NRXN3: variants seen among roughly 807,000 people sequenced by gnomAD.
NRXN3 encodes neurexin III.
NRXN3 carries 32 observed loss-of-function variants against 137.6 expected under a neutral mutation model. The observed-to-expected ratio is 0.23, with a 90% CI of 0.18 to 0.31. The LOEUF is 0.31. NRXN3 is among the 10% of genes least tolerant of loss of function. The pLI is 1.00. For missense variants in NRXN3, 1,574 were observed against 2,062.5 expected, an observed-to-expected ratio of 0.76 and a Z score of 4.59; for synonymous variants, 798 against 784.5, an observed-to-expected ratio of 1.02 and a Z score of -0.29.
chr14:79,828,665 T>C (rs1217209666), intron 20 of NRXN3, among the ~76,000 whole-genome samples: 3 of 83,694 alleles, frequency 3.6e-5, no homozygotes, highest in African/African-American at 1.3e-4. Context: ...TTTTTTTTTT[T>C]TGCGTACCAA....
intron 20 of NRXN3, among the ~76,000 whole-genome samples, chr14:79,857,455 C>T (rs937144268): frequency 6.6e-6 from 1 of 152,090 alleles, no homozygotes; most frequent in Non-Finnish European, 1.5e-5. Context: ...ATCTCCTGAC[C>T]TCATGATCCG....
chr14:78,462,870 G>C (rs1414702036), intron 4 of NRXN3, among the ~76,000 whole-genome samples: 1 of 152,278 alleles, frequency 6.6e-6, no homozygotes, highest in East Asian at 1.9e-4. Context: ...ACAATGGCAG[G>C]AATTGGGTAC....
intron 15 of NRXN3, among the ~76,000 whole-genome samples, chr14:79,187,229 G>A (rs2153160384): frequency 6.6e-6 from 1 of 152,306 alleles, no homozygotes; most frequent in African/African-American, 2.4e-5. Context: ...CCTCTTGAAA[G>A]CAGGTTGGTA....
chr14:79,859,240 T>C (rs768279142), intron 20 of NRXN3, among the ~76,000 whole-genome samples: 2 of 152,176 alleles, frequency 1.3e-5, no homozygotes, highest in Non-Finnish European at 2.9e-5. Flanking sequence ...ATGGTACACA[T>C]TATATGCTTT....
intron 4 of NRXN3, among the ~76,000 whole-genome samples, chr14:78,586,716 C>T (rs1394534763): frequency 2.0e-5 from 3 of 152,236 alleles, no homozygotes; most frequent in Non-Finnish European, 4.4e-5. Flanking sequence ...TGACCGTGTA[C>T]ACCCTGTCCC....
At chr14:78,636,403 G>T (rs2097567180) in intron 4 of NRXN3, among the ~76,000 whole-genome samples, 1 of 152,068 alleles carries the variant, frequency 6.6e-6, no homozygotes, top group Non-Finnish European at 1.5e-5. Context: ...TAGAGTAAAA[G>T]GCAGGTCACC....
At chr14:79,714,056 G>T in intron 19 of NRXN3, among the ~76,000 whole-genome samples, 1 of 152,000 alleles carries the variant, frequency 6.6e-6, no homozygotes. Flanking sequence ...TACCTTACAT[G>T]TGCTAGTTGG....
At chr14:78,689,663 T>C (rs996604232) in intron 6 of NRXN3, among the ~76,000 whole-genome samples, 3 of 152,150 alleles carry the variant, frequency 2.0e-5, no homozygotes, top group Non-Finnish European at 4.4e-5. Context: ...TATAGGAATA[T>C]AGTACAGGGT....
chr14:78,634,760 A>G (rs1274194710), intron 4 of NRXN3, among the ~76,000 whole-genome samples: 1 of 152,114 alleles, frequency 6.6e-6, no homozygotes, highest in Admixed American at 6.5e-5. Flanking sequence ...GATTTTCTGT[A>G]TACATATTTC....
intron 19 of NRXN3, among the ~76,000 whole-genome samples, chr14:79,745,739 C>T (rs1053896054): frequency 2.6e-5 from 4 of 151,718 alleles, no homozygotes; most frequent in African/African-American, 9.7e-5. Context: ...AACAAGGTGT[C>T]AGCAGAGCCA....
chr14:79,231,422 A>C (rs1425097663), intron 15 of NRXN3, among the ~76,000 whole-genome samples: 1 of 152,172 alleles, frequency 6.6e-6, no homozygotes, highest in Non-Finnish European at 1.5e-5. Flanking sequence ...GCAAACAGAT[A>C]ATTAAGGAAA....
intron 19 of NRXN3, among the ~76,000 whole-genome samples, chr14:79,713,795 G>GAATT (rs2098814479): frequency 6.6e-6 from 1 of 150,440 alleles, no homozygotes; most frequent in South Asian, 2.1e-4. Flanking sequence ...GAAAGAATGA[G>GAATT]AATTAAATAA....
chr14:78,307,349 G>A (rs142484397), intron 4 of NRXN3, among the ~76,000 whole-genome samples: 113 of 151,870 alleles, frequency 7.4e-4, no homozygotes, highest in Middle Eastern at 3.4e-3. Context: ...AAAAATTACC[G>A]TTTATTTTTA....
intron 19 of NRXN3, among the ~76,000 whole-genome samples, chr14:79,783,669 G>C (rs999967663): frequency 6.6e-6 from 1 of 152,112 alleles, no homozygotes; most frequent in Non-Finnish European, 1.5e-5. Context: ...AAATGTGATA[G>C]AAAGTAATGT....
chr14:79,144,411 G>T (rs2059104512), intron 15 of NRXN3, among the ~76,000 whole-genome samples: 1 of 152,122 alleles, frequency 6.6e-6, no homozygotes, highest in South Asian at 2.1e-4. Context: ...AATGGACAAG[G>T]AACAAATGTA....
chr14:78,727,690 G>A (rs778262075), intron 8 of NRXN3, among the ~76,000 whole-genome samples: 4 of 152,078 alleles, frequency 2.6e-5, no homozygotes, highest in African/African-American at 4.8e-5. Context: ...AGCCAAGATC[G>A]CGCCATTGTA....
At chr14:78,587,952 C>T (rs1219675300) in intron 4 of NRXN3, among the ~76,000 whole-genome samples, 1 of 152,128 alleles carries the variant, frequency 6.6e-6, no homozygotes, top group Non-Finnish European at 1.5e-5. Context: ...ATCCCCATCA[C>T]TTTCTAATTT....
At chr14:79,399,995 T>A (rs2095145164) in intron 15 of NRXN3, among the ~76,000 whole-genome samples, 2 of 152,238 alleles carry the variant, frequency 1.3e-5, no homozygotes. Flanking sequence ...CATATGTGTG[T>A]GTGAGTGCAT....
intron 15 of NRXN3, among the ~76,000 whole-genome samples, chr14:79,077,721 A>T (rs1378203705): frequency 1.3e-5 from 2 of 152,154 alleles, no homozygotes; most frequent in Non-Finnish European, 2.9e-5. Context: ...ATGTGGTATG[A>T]GACATTTTAT....
Sources: allele counts gnomAD v4.1 joint callset (sites outside exome capture counted in the v4.1 genomes callset), GRCh38; gene constraint gnomAD v4.1.1; transcripts MANE v1.5; gene names NCBI Gene and HGNC (gene_info 2026-07-23, HGNC 2026-07-21).